Variants in NFATC2 observed in about 807,000 individuals in gnomAD.
NFATC2 encodes the protein nuclear factor of activated T cells 2.
A neutral mutation model predicts 87.3 loss-of-function variants in NFATC2; 22 were observed. The observed-to-expected ratio is 0.25, with a 90% CI of 0.18 to 0.36. The LOEUF (loss-of-function observed/expected upper bound fraction) is 0.36, where lower values mean the gene tolerates loss of function less well. Ranked by LOEUF, NFATC2 falls within the 10% of genes least tolerant of loss-of-function variation. The pLI, the probability that NFATC2 is intolerant of heterozygous loss-of-function variation, is 1.00. For synonymous variants in NFATC2, 565 were observed against 542.2 expected (o/e 1.04, Z -0.58); for missense variants, 1,149 against 1,259.1 (o/e 0.91, Z 1.32).
intron 6 of NFATC2, among the ~76,000 whole-genome samples, chr20:51,438,451 A>C (rs906703905): frequency 1.2e-4 from 18 of 151,906 alleles, no homozygotes; most frequent in African/African-American, 4.3e-4. Context: ...TTGAAAAAAA[A>C]AAAAAAAAGA....
rs753020743 is a variant in NFATC2, at chr20:51,515,100, C to T, written c.1332+1684G>A. ...TGAAATAATCCTGGATTCCTGGCAC[C>T]GCTCAGAGTGCCAGGCTGTGGAAAC... On this transcript the variant is annotated intron_variant, in intron 3 of 10. Coordinates refer to ENST00000371564, the MANE Select transcript of NFATC2 (RefSeq NM_012340.5). Among the ~76,000 whole-genome samples the T allele has an allele frequency of 7.9e-4, 120 of 152,270 alleles. 1 individual carries two copies. The highest frequency in any genetic ancestry group is 1.7e-3 in the East Asian group (9 of 5,184).
At chr20:51,489,252 AG>A (rs11476056) in intron 3 of NFATC2, among the ~76,000 whole-genome samples, 19,591 of 152,140 alleles carry the variant, frequency 0.13, 2,329 homozygotes, top group African/African-American at 0.32. Flanking sequence ...CAAGATGGTG[AG>A]GGGGGCCCCT....
At chr20:51,501,543 C>A (rs2076089522) in intron 3 of NFATC2, among the ~76,000 whole-genome samples, 1 of 152,204 alleles carries the variant, frequency 6.6e-6, no homozygotes, top group African/African-American at 2.4e-5. Flanking sequence ...CGCTGGCTCC[C>A]AAGATAGCAA....
intron 3 of NFATC2, among the ~76,000 whole-genome samples, chr20:51,484,742 T>A (rs757053744): frequency 9.9e-5 from 15 of 152,136 alleles, no homozygotes; most frequent in Non-Finnish European, 1.9e-4. Context: ...ACTCAGCTGG[T>A]TGGACAACTG....
rs146807289 is a variant in NFATC2, at chr20:51,539,718, T to C, written c.130+2652A>G. On this transcript the variant is annotated intron_variant, in intron 1 of 10. Transcript: ENST00000371564. ...CTTGCTATGTTGCCCCAGCTGGTCT[T>C]GAAGCCCTGGACTCAAGCAATCTTC... Among the ~76,000 whole-genome samples, 33 of 152,302 alleles carry C rather than the reference T, an allele frequency of 2.2e-4. No individual in the cohort carries two copies. In the East Asian group the frequency reaches 6.0e-3, roughly 28 times the overall value.
At chr20:51,454,719 A>T in intron 5 of NFATC2, 31 bp from the exon 6 acceptor site, 1 of 1,611,808 alleles carries the variant, frequency 6.2e-7, no homozygotes, top group Non-Finnish European at 8.5e-7. Flanking sequence ...AGTCACTGTG[A>T]TAAGGGGAGA....
chr20:51,532,147 G>A (rs78513418), intron 1 of NFATC2, among the ~76,000 whole-genome samples: 6,347 of 152,114 alleles, frequency 0.042, 170 homozygotes, highest in Middle Eastern at 0.095. Flanking sequence ...AGAACTGTAC[G>A]CATCTAGTGT....
chr20:51,546,558 C>T (rs1036198139), upstream of NFATC2, among the ~76,000 whole-genome samples: 10 of 152,048 alleles, frequency 6.6e-5, no homozygotes, highest in African/African-American at 2.4e-4. Context: ...CTTTGGACAC[C>T]CTGGCCTCTG....
intron 9 of NFATC2, among the ~76,000 whole-genome samples, chr20:51,430,561 G>A (rs6013184): frequency 0.17 from 25,508 of 152,080 alleles, 2,753 homozygotes; most frequent in East Asian, 0.35. Flanking sequence ...TGTAAGGCAC[G>A]TGGGGCAGGA....
chr20:51,432,222 C>A lies in NFATC2; in HGVS notation c.2567G>T (p.Ser856Ile), dbSNP rs1291252282. Residue 856 changes from serine (S) to isoleucine (I), a missense_variant, in exon 9 of 11, where the codon AGC becomes ATC. Around this residue, in one of 3 missense-constraint regions of NFATC2, gnomAD observed 581 missense variants for 649.7 expected, o/e 0.89. Transcript: ENST00000371564. This position sits in a 1 kb window ranked among gnomAD's most constrained non-coding sequence, Gnocchi z 4.6. ...PPPVSQGQRLSPGSYPTVIQQ... is the reference protein window; with the variant it reads ...PPPVSQGQRLIPGSYPTVIQQ... The stretch of plus-strand genomic sequence containing the variant: ...AATGACTGTGGGGTAGGAACCCGGG[C>A]TCAGCCTCTGACCTTGACTGACCGG... The A allele has an allele frequency of 6.2e-7, 1 of 1,613,728 alleles. No individual in the cohort carries two copies. The highest frequency in any genetic ancestry group is 8.5e-7 in the Non-Finnish European group (1 of 1,179,810).
At chr20:51,551,877 G>A (rs540252651) in intron 1 of NFATC2, among the ~76,000 whole-genome samples, 349 of 151,762 alleles carry the variant, frequency 2.3e-3, no homozygotes, top group East Asian at 0.012. Flanking sequence ...AATACAAAAA[G>A]TTAGCCGGGT....
Position 51,388,506 on chromosome 20 carries a change from GAA to G in NFATC2, c.*2988_*2989del, listed in dbSNP as rs397738004. ...TTCAAGAATACATCATTTCTCTTAAGAAAAAAAAATCAACCTATGTGTAAAAA... is the reference window on the plus strand; with the variant it reads ...TTCAAGAATACATCATTTCTCTTAAGAAAAAAATCAACCTATGTGTAAAAA... On this transcript the variant is annotated 3_prime_UTR_variant, in exon 11 of 11. Coordinates refer to ENST00000371564, the MANE Select transcript of NFATC2 (RefSeq NM_012340.5). 6.6e-6 allele frequency: 1 copy of G among 150,898 alleles called. No homozygotes were observed. 9.3% of individuals were successfully genotyped at this position (150,898 alleles called of 1,614,324 possible). A position where few individuals can be genotyped will look rare whatever the true frequency, so the allele number is the denominator to read the frequency against.
At chr20:51,448,154 G>A (rs1985306164) in intron 6 of NFATC2, among the ~76,000 whole-genome samples, 1 of 152,228 alleles carries the variant, frequency 6.6e-6, no homozygotes, top group South Asian at 2.1e-4. Context: ...GGTGATAAAT[G>A]AACAGACAGA....
intron 3 of NFATC2, among the ~76,000 whole-genome samples, chr20:51,501,419 A>G (rs1419771455): frequency 6.6e-6 from 1 of 152,146 alleles, no homozygotes; most frequent in East Asian, 1.9e-4. Context: ...CACCATCAAC[A>G]CTTAACTCCT....
In NFATC2 at chr20:51,432,294, A is replaced by G. The variant is rs778996693; in HGVS notation, c.2495T>C (p.Met832Thr). The G allele has an allele frequency of 3.1e-6, 5 of 1,614,190 alleles. No individual in the cohort carries two copies. Among genetic ancestry groups the G allele is most frequent in the East Asian group, 4.5e-5 (2 of 44,876 alleles). ...CGSHQEFQHIMYCENFAPGTT... is the reference protein window; with the variant it reads ...CGSHQEFQHITYCENFAPGTT... Reference sequence around the variant, plus strand: ...GCCTGGTGCGAAATTCTCGCAGTACATGATGTGCTGGAACTCCTGGTGGCT... The same window carrying G: ...GCCTGGTGCGAAATTCTCGCAGTACGTGATGTGCTGGAACTCCTGGTGGCT... Residue 832 changes from methionine (M) to threonine (T), a missense_variant, in exon 9 of 11, where the codon ATG becomes ACG. This residue lies in a region of NFATC2 where 581 missense variants were observed against 649.7 expected (regional missense o/e 0.89). Coordinates refer to ENST00000371564, the MANE Select transcript of NFATC2 (RefSeq NM_012340.5). The surrounding 1 kb of genome is among the most constrained non-coding windows in gnomAD (Gnocchi z 4.6).
Position 51,441,237 on chromosome 20 carries a change from C to T in NFATC2, c.1850-5476G>A, listed in dbSNP as rs551752230. 8.6e-5 allele frequency among the ~76,000 whole-genome samples: 13 copies of T among 151,852 alleles called. No individual in the cohort carries two copies. In the South Asian group the frequency reaches 1.5e-3, roughly 17 times the overall value. ...GGTGGAGGTTGCAGTGAGCCGAGAT[C>T]GCACCACTGCACTCCAGCCTGGGTG... is the stretch of plus-strand genomic sequence containing the variant. On this transcript the variant is annotated intron_variant, in intron 6 of 10. Transcript: ENST00000371564.
chr20:51,406,987 G>C (rs1255311516), intron 9 of NFATC2, among the ~76,000 whole-genome samples: 1 of 152,208 alleles, frequency 6.6e-6, no homozygotes, highest in Admixed American at 6.5e-5. Flanking sequence ...TAAGACTGAA[G>C]ATGATCTGCT....
chr20:51,561,395 GAGAGAA>G lies in NFATC2; in HGVS notation c.70+1159_70+1164del, dbSNP rs1568765146. On this transcript the variant is annotated intron_variant, in intron 1 of 10. Transcript: ENST00000414705. ...GAGAGAGAAAAGAAAGAAAGAAAGA[GAGAGAA>G]AGAAAAGAAAGAAAGAAAGAGAGAG... Among the ~76,000 whole-genome samples, 571 of 131,460 alleles carry G rather than the reference GAGAGAA, an allele frequency of 4.3e-3. 11 individuals are homozygous for G. Among genetic ancestry groups the G allele is most frequent in the African/African-American group, 0.015 (525 of 34,170 alleles). The allele number at this position is 131,460 out of a possible 152,430, so 86.2% of individuals were successfully genotyped here. A position where few individuals can be genotyped will look rare whatever the true frequency, so the allele number is the denominator to read the frequency against.
intron 7 of NFATC2, among the ~76,000 whole-genome samples, 165 bp from the exon 8 acceptor site, chr20:51,435,479 G>A (rs45562636): frequency 0.032 from 4,809 of 152,228 alleles, 111 homozygotes; most frequent in Non-Finnish European, 0.052. Context: ...GTCAGCGGCA[G>A]CAAAAAATAA....
Sources: allele counts gnomAD v4.1 joint callset (sites outside exome capture counted in the v4.1 genomes callset), GRCh38; gene constraint gnomAD v4.1.1; regional missense constraint gnomAD v4.1.1; non-coding constraint Gnocchi (gnomAD v3.1); transcripts MANE v1.5; gene names NCBI Gene and HGNC (gene_info 2026-07-23, HGNC 2026-07-21).